Variants in OR2L13 observed in about 807,000 individuals in gnomAD.
The protein encoded by OR2L13 is olfactory receptor family 2 subfamily L member 13.
In OR2L13, 14 loss-of-function variants were observed where a neutral mutation model predicts 15.3. The ratio of observed to expected loss-of-function variants is 0.91; its 90% CI spans 0.60 to 1.43. The LOEUF (loss-of-function observed/expected upper bound fraction) is 1.43. Ranked by LOEUF, OR2L13 falls within the 40% of genes most tolerant of loss-of-function variation. OR2L13 has a pLI of 0.00. For synonymous variants in OR2L13, 152 were observed against 142.9 expected, an observed-to-expected ratio of 1.06 and a Z score of -0.45; for missense variants, 367 against 387.9, an observed-to-expected ratio of 0.95 and a Z score of 0.45.
At chr1:248,033,791 A>G in the OR2L13 span, among the ~76,000 whole-genome samples, 122 of 152,090 alleles carry the variant, frequency 8.0e-4, no homozygotes, top group Non-Finnish European at 1.3e-3. Context: ...CCAATGTCAT[A>G]CTGTTTTGAT....
the OR2L13 span, among the ~76,000 whole-genome samples, chr1:248,081,756 C>T: frequency 3.3e-5 from 5 of 152,244 alleles, no homozygotes; most frequent in East Asian, 3.9e-4. Context: ...TTCAGGGAGA[C>T]AAGTGTTTAC....
At chr1:248,083,250 A>T in the OR2L13 span, among the ~76,000 whole-genome samples, 1 of 152,220 alleles carries the variant, frequency 6.6e-6, no homozygotes, top group Non-Finnish European at 1.5e-5. Context: ...TACGTTATTG[A>T]ACAGAAATAA....
At chr1:247,986,016 G>T in the OR2L13 span, among the ~76,000 whole-genome samples, 1 of 152,144 alleles carries the variant, frequency 6.6e-6, no homozygotes, top group South Asian at 2.1e-4. Context: ...TTAGCCCTTT[G>T]TCAGATGAGT....
the OR2L13 span, chr1:248,021,970 C>A: frequency 1.2e-6 from 2 of 1,613,310 alleles, no homozygotes; most frequent in South Asian, 2.2e-5. Flanking sequence ...AATCAAACGT[C>A]AACTGATTTC....
exon 3 of OR2L13, chr1:248,100,029 C>A (rs377374519): frequency 1.6e-5 from 26 of 1,614,134 alleles, no homozygotes; most frequent in Non-Finnish European, 2.2e-5. Context: ...CTTCCTGTGG[C>A]CGAGTCCTAT....
chr1:248,029,788 T>A, the OR2L13 span, among the ~76,000 whole-genome samples: 1 of 152,168 alleles, frequency 6.6e-6, no homozygotes, highest in Non-Finnish European at 1.5e-5. Flanking sequence ...AACTATAGGG[T>A]TTCATAAAGT....
At chr1:247,948,280 A>G in the OR2L13 span, among the ~76,000 whole-genome samples, 3 of 152,348 alleles carry the variant, frequency 2.0e-5, no homozygotes, top group African/African-American at 4.8e-5. Context: ...AGACTAATTT[A>G]TTCAAATATA....
chr1:248,042,310 A>T, the OR2L13 span: 1 of 139,506 alleles, frequency 7.2e-6, no homozygotes, highest in African/African-American at 2.7e-5. Context: ...AACAATGAGA[A>T]CACATGGACA....
At chr1:247,950,599 A>C in the OR2L13 span, among the ~76,000 whole-genome samples, 27 of 152,334 alleles carry the variant, frequency 1.8e-4, no homozygotes, top group African/African-American at 6.5e-4. Context: ...CAGTTTCCCA[A>C]TAAATGTTCT....
the OR2L13 span, among the ~76,000 whole-genome samples, chr1:247,957,736 G>C: frequency 6.6e-6 from 1 of 152,182 alleles, no homozygotes; most frequent in African/African-American, 2.4e-5. Flanking sequence ...GCGTAGAGGT[G>C]TTTGTAGTAT....
At chr1:247,966,023 C>T in the OR2L13 span, 1 of 1,613,712 alleles carries the variant, frequency 6.2e-7, no homozygotes, top group African/African-American at 1.3e-5. Context: ...GCCATTCTGG[C>T]TTCCTATGCT....
the OR2L13 span, among the ~76,000 whole-genome samples, chr1:247,958,767 CT>C: frequency 2.6e-5 from 4 of 151,686 alleles, no homozygotes; most frequent in East Asian, 7.8e-4. Flanking sequence ...ATTGCAACCC[CT>C]GCCTTTTTTT....
chr1:248,025,036 G>A, the OR2L13 span, among the ~76,000 whole-genome samples: 377 of 152,040 alleles, frequency 2.5e-3, 2 homozygotes, highest in African/African-American at 8.2e-3. Flanking sequence ...ACATAGGCAT[G>A]GGCAAGGACT....
the OR2L13 span, chr1:248,039,833 C>G: frequency 3.0e-4 from 46 of 152,152 alleles, no homozygotes; most frequent in African/African-American, 1.1e-3. Context: ...GTATGTATGT[C>G]TTCTTCTTTT....
At chr1:248,046,767 A>T in the OR2L13 span, 1 of 152,214 alleles carries the variant, frequency 6.6e-6, no homozygotes, top group South Asian at 2.1e-4. Flanking sequence ...TGCAGGGATG[A>T]AAAACCAATA....
At chr1:248,080,945 G>A in the OR2L13 span, among the ~76,000 whole-genome samples, 2 of 152,142 alleles carry the variant, frequency 1.3e-5, no homozygotes, top group African/African-American at 4.8e-5. Context: ...CTCCTCATTC[G>A]AAATTTTGTT....
At chr1:248,092,018 G>A (rs573894688), upstream of OR2L13, among the ~76,000 whole-genome samples, 1 of 152,128 alleles carries the variant, frequency 6.6e-6, no homozygotes, top group African/African-American at 2.4e-5. Flanking sequence ...ACCGTCATTA[G>A]CTGTATTCTT....
chr1:248,087,045 C>T, the OR2L13 span, among the ~76,000 whole-genome samples: 1 of 152,066 alleles, frequency 6.6e-6, no homozygotes, highest in Admixed American at 6.6e-5. Context: ...TACTTGAAAA[C>T]ACACACAGAT....
the OR2L13 span, chr1:247,990,893 C>T: frequency 3.4e-6 from 5 of 1,488,950 alleles, no homozygotes; most frequent in Non-Finnish European, 4.7e-6. Context: ...CTTGTGTTTC[C>T]CTTCATTTGT....
Sources: gnomAD v4.1 joint callset for allele counts (sites outside exome capture counted in the v4.1 genomes callset) on GRCh38, gnomAD v4.1.1 for gene constraint, MANE v1.5 for transcripts, NCBI Gene and HGNC (gene_info 2026-07-23, HGNC 2026-07-21) for gene names.